The following OTOP1 variants were observed in gnomAD, a reference collection of about 807,000 sequenced individuals.
OTOP1 encodes otopetrin 1, also known as proton channel OTOP1.
A neutral mutation model predicts 52.9 loss-of-function variants in OTOP1; 59 were observed. The observed-to-expected ratio is 1.12, with a 90% confidence interval of 0.91 to 1.39. The LOEUF (loss-of-function observed/expected upper bound fraction) is 1.39. OTOP1 is among the 40% of genes most tolerant of loss of function. The pLI, the probability that OTOP1 is intolerant of heterozygous loss-of-function variation, is 0.00. For missense variants in OTOP1, 761 were observed against 800.9 expected (o/e 0.95, Z 0.60); for synonymous variants, 317 against 337.7 (o/e 0.94, Z 0.67).
At chr4:4,204,985 G>A (rs1356481597) in intron 3 of OTOP1, among the ~76,000 whole-genome samples, 1 of 152,090 alleles carries the variant, frequency 6.6e-6, no homozygotes, top group Admixed American at 6.5e-5. Flanking sequence ...CATTGGCCAG[G>A]CTGGTCTCAA....
intron 3 of OTOP1, among the ~76,000 whole-genome samples, chr4:4,204,937 A>ATT (rs780962918): frequency 4.0e-5 from 6 of 151,478 alleles, no homozygotes; most frequent in Non-Finnish European, 8.8e-5. Context: ...CACACAGCTA[A>ATT]TTTTTTTTGT....
At chr4:4,223,958 G>A (rs1396678408) in intron 1 of OTOP1, among the ~76,000 whole-genome samples, 3 of 151,374 alleles carry the variant, frequency 2.0e-5, no homozygotes, top group Non-Finnish European at 4.4e-5. Flanking sequence ...AGAGAGGAGA[G>A]AGAGAGGGAA....
intron 1 of OTOP1, among the ~76,000 whole-genome samples, chr4:4,219,395 T>A (rs147398349): frequency 0.015 from 2,260 of 152,288 alleles, 36 homozygotes; most frequent in Non-Finnish European, 0.022. Flanking sequence ...TCCTCCTTTA[T>A]CGCTACATAT....
At chr4:4,224,218 G>A (rs1326668229) in intron 1 of OTOP1, among the ~76,000 whole-genome samples, 2 of 151,876 alleles carry the variant, frequency 1.3e-5, no homozygotes, top group Non-Finnish European at 2.9e-5. Context: ...ATAGTTGCAG[G>A]CGCCTATAAT....
In OTOP1 at chr4:4,197,605, A is replaced by G. The variant is rs747321442; in HGVS notation, c.1229T>C (p.Leu410Ser). ...GTGGCCCTCAGCACAGAGGATGGCC[A>G]AGATTGAGCCCCAGGAGATAAGCCA... Reference protein sequence around the residue: ...GSWLISWGSILAILCAEGHPR... With the variant: ...GSWLISWGSISAILCAEGHPR... The change falls in exon 5 of 6, where the codon TTG (leucine) becomes TCG (serine). Residue 410 changes from leucine (L) to serine (S), a missense_variant. Leu to Ser is a moderately radical substitution (Grantham distance 145). Transcript: ENST00000296358. The G allele has an allele frequency of 5.6e-6, 9 of 1,614,008 alleles. No individual in the cohort carries two copies. In the Admixed American group the frequency reaches 1.5e-4, roughly 27 times the overall value.
At chr4:4,220,159 AT>A (rs1307092885) in intron 1 of OTOP1, among the ~76,000 whole-genome samples, 1 of 140,946 alleles carries the variant, frequency 7.1e-6, no homozygotes, top group African/African-American at 2.7e-5. Flanking sequence ...CTGGAGTGCA[AT>A]GGCGCAAGCT....
chr4:4,210,758 G>A (rs1332060461), intron 2 of OTOP1, among the ~76,000 whole-genome samples: 1 of 152,126 alleles, frequency 6.6e-6, no homozygotes, highest in East Asian at 1.9e-4. Context: ...TTCAACCCAG[G>A]AGACGGAAGT....
In OTOP1 at chr4:4,197,726, G is replaced by A. The variant is rs758517080; in HGVS notation, c.1108C>T (p.Arg370Trp). The change falls in exon 5 of 6, where the codon CGG (arginine) becomes TGG (tryptophan). Residue 370 changes from arginine to tryptophan, a missense_variant. Coordinates refer to ENST00000296358, the MANE Select transcript of OTOP1 (RefSeq NM_177998.3). ...GACTTCTCGTCTATCCTGTAAATCC[G>A]GATTCCAGCCAGCCCCGCAGCCCCC... ...LMGAAGLAGI[R>W]IYRIDEKSLD... 38 of 1,613,710 alleles carry A rather than the reference G, an allele frequency of 2.4e-5. No homozygotes were observed. The highest frequency in any genetic ancestry group is 6.7e-5 in the African/African-American group (5 of 74,820).
chr4:4,218,285 G>A (rs771715542), intron 1 of OTOP1, among the ~76,000 whole-genome samples: 2 of 151,652 alleles, frequency 1.3e-5, no homozygotes. Context: ...CCAGCTACTT[G>A]GGAGGCTGAG....
chr4:4,214,917 T>G (rs1717106270), intron 1 of OTOP1, among the ~76,000 whole-genome samples: 1 of 152,168 alleles, frequency 6.6e-6, no homozygotes, highest in Admixed American at 6.5e-5. Flanking sequence ...GCTGTACACT[T>G]AAAAACTGGT....
chr4:4,202,022 T>G (rs1453378908), intron 4 of OTOP1, among the ~76,000 whole-genome samples: 1 of 152,194 alleles, frequency 6.6e-6, no homozygotes, highest in African/African-American at 2.4e-5. Flanking sequence ...TACAGCCCAT[T>G]AACCACAACC....
chr4:4,218,514 C>T (rs369621217), intron 1 of OTOP1, among the ~76,000 whole-genome samples: 4 of 152,044 alleles, frequency 2.6e-5, no homozygotes, highest in East Asian at 1.9e-4. Context: ...GGGAGGCAAA[C>T]GTACCCTAAA....
At chr4:4,193,975 G>T (rs1716568859) in intron 5 of OTOP1, among the ~76,000 whole-genome samples, 1 of 152,138 alleles carries the variant, frequency 6.6e-6, no homozygotes, top group African/African-American at 2.4e-5. Flanking sequence ...CTCACCTGAG[G>T]TTAGGAGTTC....
intron 5 of OTOP1, among the ~76,000 whole-genome samples, chr4:4,194,913 T>C (rs1024431827): frequency 1.3e-5 from 2 of 152,202 alleles, no homozygotes; most frequent in African/African-American, 4.8e-5. Flanking sequence ...CTTATTCCTT[T>C]TTCTTCTCTC....
chr4:4,199,720 G>A (rs1346500977), intron 4 of OTOP1, among the ~76,000 whole-genome samples: 2 of 152,140 alleles, frequency 1.3e-5, no homozygotes, highest in Non-Finnish European at 2.9e-5. Context: ...GCCAGGATGT[G>A]TTTTAATATT....
chr4:4,216,677 G>A (rs1335553406), intron 1 of OTOP1, among the ~76,000 whole-genome samples: 1 of 152,208 alleles, frequency 6.6e-6, no homozygotes, highest in Non-Finnish European at 1.5e-5. Context: ...CGATCCCAGT[G>A]CTTTGAAATG....
At chr4:4,219,718 G>A (rs1408692317) in intron 1 of OTOP1, among the ~76,000 whole-genome samples, 8 of 149,276 alleles carry the variant, frequency 5.4e-5, no homozygotes, top group Non-Finnish European at 1.0e-4. Context: ...AAGACATACT[G>A]TATGAGGAAG....
chr4:4,193,953 C>T (rs1463854023), intron 5 of OTOP1, among the ~76,000 whole-genome samples: 1 of 152,142 alleles, frequency 6.6e-6, no homozygotes, highest in Non-Finnish European at 1.5e-5. Context: ...TTTGGGAGGC[C>T]TAGGCAGGCA....
chr4:4,207,219 T>C (rs1301331821), intron 2 of OTOP1, among the ~76,000 whole-genome samples: 7 of 152,222 alleles, frequency 4.6e-5, no homozygotes, highest in African/African-American at 1.7e-4. Flanking sequence ...CAGTGACTCC[T>C]TGTTAAAGCA....
Sources: allele counts gnomAD v4.1 joint callset (sites outside exome capture counted in the v4.1 genomes callset), GRCh38; gene constraint gnomAD v4.1.1; transcripts MANE v1.5; gene names NCBI Gene and HGNC (gene_info 2026-07-23, HGNC 2026-07-21).